Variants in ATP10D observed in about 807,000 individuals in gnomAD.
ATP10D encodes phospholipid-transporting ATPase VD.
ATP10D carries 89 observed loss-of-function variants against 144.8 expected under a neutral mutation model. The ratio of observed to expected loss-of-function variants is 0.61; its 90% CI spans 0.52 to 0.73. The LOEUF (loss-of-function observed/expected upper bound fraction) is 0.73. Ranked by LOEUF, ATP10D falls within the 30% of genes least tolerant of loss-of-function variation. ATP10D has a pLI of 0.00. For synonymous variants in ATP10D, 571 were observed against 615.1 expected (o/e 0.93, Z 1.06); for missense variants, 1,603 against 1,714.8 (o/e 0.93, Z 1.15).
intron 10 of ATP10D, among the ~76,000 whole-genome samples, chr4:47,552,143 A>G (rs955139207): frequency 2.6e-5 from 4 of 152,166 alleles, no homozygotes; most frequent in African/African-American, 9.7e-5. Flanking sequence ...GACCAAAGCC[A>G]CACAACCCCA....
chr4:47,486,271 C>G (rs1379921926), intron 1 of ATP10D, among the ~76,000 whole-genome samples: 1 of 152,140 alleles, frequency 6.6e-6, no homozygotes, highest in East Asian at 1.9e-4. Flanking sequence ...GACCCTGTGC[C>G]TTTAGAAAGA....
At chr4:47,517,497 A>G (rs1043708598) in intron 3 of ATP10D, among the ~76,000 whole-genome samples, 3 of 152,212 alleles carry the variant, frequency 2.0e-5, no homozygotes, top group Admixed American at 2.0e-4. Flanking sequence ...GTTGTTCTAC[A>G]ACATTTAATC....
chr4:47,501,022 T>G (rs1232973423), intron 1 of ATP10D, among the ~76,000 whole-genome samples: 1 of 152,196 alleles, frequency 6.6e-6, no homozygotes, highest in Non-Finnish European at 1.5e-5. Context: ...ACTTTCAACC[T>G]GTAGGTACTG....
At chr4:47,512,476 G>A in intron 1 of ATP10D, 28 bp from the exon 2 acceptor site, 1 of 1,420,368 alleles carries the variant, frequency 7.0e-7, no homozygotes, top group Non-Finnish European at 9.6e-7. Context: ...AGAAGCTCAT[G>A]GAAGTGTGGT....
At chr4:47,533,790 A>G (rs78980518) in intron 5 of ATP10D, among the ~76,000 whole-genome samples, 2,668 of 152,296 alleles carry the variant, frequency 0.018, 70 homozygotes, top group African/African-American at 0.061. Context: ...GGCGTCACTC[A>G]GCCTGAGCTA....
Position 47,580,400 on chromosome 4 carries a change from A to T in ATP10D, c.3570A>T (p.Ala1190=), listed in dbSNP as rs1465394507. The change falls in exon 20 of 23, where the codon GCA becomes GCT. Residue 1190 remains alanine (A), a splice_region_variant and synonymous_variant. Coordinates refer to ENST00000273859, the MANE Select transcript of ATP10D (RefSeq NM_020453.4). ...ELYRSGQKSE[A]YLPHTFWITL... ...CCCGTTATCTGCTTCATTTCTAGGC[A>T]TACTTACCCCATACCTTCTGGATCA... 3 of 1,612,348 alleles carry T rather than the reference A, an allele frequency of 1.9e-6. No individual in the cohort carries two copies. Among genetic ancestry groups the T allele is most frequent in the African/African-American group, 1.3e-5 (1 of 74,878 alleles).
At chr4:47,509,441 A>G (rs184955464) in intron 1 of ATP10D, among the ~76,000 whole-genome samples, 1 of 152,246 alleles carries the variant, frequency 6.6e-6, no homozygotes, top group East Asian at 1.9e-4. Context: ...TACAAATTGT[A>G]TGTATTTATG....
At chr4:47,503,538 A>T (rs1715831716) in intron 1 of ATP10D, among the ~76,000 whole-genome samples, 1 of 152,216 alleles carries the variant, frequency 6.6e-6, no homozygotes, top group Admixed American at 6.5e-5. Flanking sequence ...AAGTAGTATG[A>T]CTTAGCTTTT....
chr4:47,589,322 G>A (rs1278520698), intron 22 of ATP10D, among the ~76,000 whole-genome samples: 1 of 152,156 alleles, frequency 6.6e-6, no homozygotes, highest in Non-Finnish European at 1.5e-5. Flanking sequence ...TAATAACGTG[G>A]TATAGCAGTC....
intron 1 of ATP10D, among the ~76,000 whole-genome samples, chr4:47,496,678 A>T (rs1034829316): frequency 6.6e-5 from 10 of 152,144 alleles, no homozygotes; most frequent in Non-Finnish European, 1.5e-4. Context: ...ACTCTGTCTT[A>T]AATTCTTTTT....
intron 4 of ATP10D, among the ~76,000 whole-genome samples, chr4:47,524,521 C>T (rs1717133569): frequency 6.6e-6 from 1 of 152,138 alleles, no homozygotes; most frequent in African/African-American, 2.4e-5. Flanking sequence ...TATTAATCAG[C>T]AATTAATATT....
chr4:47,516,225 C>T (rs1716680983), intron 3 of ATP10D, among the ~76,000 whole-genome samples: 1 of 147,900 alleles, frequency 6.8e-6, no homozygotes, highest in Non-Finnish European at 1.5e-5. Context: ...TCCTGGGCGA[C>T]AGAGTGAGAC....
chr4:47,571,421 A>T (rs1719949186), intron 16 of ATP10D, among the ~76,000 whole-genome samples: 1 of 151,792 alleles, frequency 6.6e-6, no homozygotes, highest in Admixed American at 6.6e-5. Flanking sequence ...CCAATTACTG[A>T]GGCCAGGGAA....
chr4:47,572,644 C>CGTGTGTGTGTGTGTGTGT (rs72171059), intron 17 of ATP10D, among the ~76,000 whole-genome samples: 3 of 145,304 alleles, frequency 2.1e-5, no homozygotes, highest in Non-Finnish European at 1.5e-5. Flanking sequence ...TTTGTGCGCA[C>CGTGTGTGTGTGTGTGTGT]GTGTGTGTGT....
At chr4:47,545,489 A>G (rs960140636) in intron 9 of ATP10D, among the ~76,000 whole-genome samples, 1 of 152,184 alleles carries the variant, frequency 6.6e-6, no homozygotes, top group Non-Finnish European at 1.5e-5. Flanking sequence ...TCCAGTTGAG[A>G]GATGATGGTG....
rs1721116959 is a variant in ATP10D at position 47,593,158 on chromosome 4, C to A, written c.*1777C>A. On this transcript the variant is annotated 3_prime_UTR_variant, in exon 23 of 23. Coordinates refer to ENST00000273859, the MANE Select transcript of ATP10D (RefSeq NM_020453.4). Reference sequence around the variant, plus strand: ...AAGGACAAAGAATGATCCAAAAATACTAAGGAAAAAGAACAATTTTCAATT... The same window carrying A: ...AAGGACAAAGAATGATCCAAAAATAATAAGGAAAAAGAACAATTTTCAATT... The A allele has an allele frequency of 6.6e-6, 1 of 151,934 alleles. No homozygotes were observed. 9.4% of individuals were successfully genotyped at this position (151,934 alleles called of 1,614,324 possible).
chr4:47,497,659 G>A lies in ATP10D; in HGVS notation c.-38+12140G>A, dbSNP rs146591158. On this transcript the variant is annotated intron_variant, in intron 1 of 22. Transcript: ENST00000273859. ...AACATAATAATATTGTATTCAAATT[G>A]ACTTAAATAATTTATGACATTCATA... is the stretch of plus-strand genomic sequence containing the variant. Among the ~76,000 whole-genome samples, 477 of 152,136 alleles carry A rather than the reference G, an allele frequency of 3.1e-3. 4 individuals carry two copies. Among genetic ancestry groups the A allele is most frequent in the African/African-American group, 0.011 (453 of 41,498 alleles).
At chr4:47,554,943 G>A (rs780225639) in intron 11 of ATP10D, 29 bp downstream of exon 11, 9 of 1,595,594 alleles carry the variant, frequency 5.6e-6, no homozygotes, top group Non-Finnish European at 6.9e-6. Context: ...GCAAACAAGG[G>A]TCACTTTCCA....
intron 9 of ATP10D, among the ~76,000 whole-genome samples, chr4:47,537,374 A>C (rs1286709147): frequency 6.6e-6 from 1 of 152,214 alleles, no homozygotes; most frequent in African/African-American, 2.4e-5. Flanking sequence ...AAATGAGCTG[A>C]ACTTCTGACT....
Sources: gnomAD v4.1 joint callset for allele counts (sites outside exome capture counted in the v4.1 genomes callset) on GRCh38, gnomAD v4.1.1 for gene constraint, MANE v1.5 for transcripts, NCBI Gene and HGNC (gene_info 2026-07-23, HGNC 2026-07-21) for gene names.